The following SPINK8 variants were observed in gnomAD, a reference collection of about 807,000 sequenced individuals.
The protein encoded by SPINK8 is serine protease inhibitor Kazal-type 8.
In SPINK8, 12 loss-of-function variants were observed where a neutral mutation model predicts 14.4. That is an observed-to-expected ratio of 0.83 (90% CI 0.53 to 1.35). The LOEUF is 1.35. Among genes scored for constraint, SPINK8 ranks in the 40% most tolerant of loss-of-function variants. The pLI is 0.00. For missense variants in SPINK8, 103 were observed against 117.0 expected (o/e 0.88, Z 0.55); for synonymous variants, 32 against 37.6 (o/e 0.85, Z 0.55).
intron 5 of SPINK8, 115 bp from the exon 6 acceptor site, chr3:48,319,733 A>G: frequency 2.8e-6 from 4 of 1,432,338 alleles, no homozygotes; most frequent in African/African-American, 1.4e-5. Flanking sequence ...GAGTTCAGAG[A>G]AAAGGATTCA....
At chr3:48,317,410 C>G (rs915659125) in intron 6 of SPINK8, among the ~76,000 whole-genome samples, 1 of 152,100 alleles carries the variant, frequency 6.6e-6, no homozygotes, top group Non-Finnish European at 1.5e-5. Context: ...ATCACTTGAA[C>G]CCAGGAGGCA....
At chr3:48,325,674 C>T (rs568964627) in intron 4 of SPINK8, among the ~76,000 whole-genome samples, 1 of 151,320 alleles carries the variant, frequency 6.6e-6, no homozygotes, top group South Asian at 2.1e-4. Context: ...CTCACTGCAA[C>T]CTCTGCCTCC....
At chr3:48,310,721 A>G (rs1231878827) in intron 6 of SPINK8, among the ~76,000 whole-genome samples, 1 of 151,340 alleles carries the variant, frequency 6.6e-6, no homozygotes, top group Non-Finnish European at 1.5e-5. Flanking sequence ...CTGGTCTTGA[A>G]CTCCTGACCT....
intron 6 of SPINK8, 150 bp from the exon 7 acceptor site, chr3:48,310,096 T>C (rs2035905889): frequency 2.7e-6 from 3 of 1,099,372 alleles, no homozygotes; most frequent in Non-Finnish European, 3.5e-6. Context: ...TTCTACTATA[T>C]GAATTTTTAT....
At chr3:48,319,039 T>A (rs1170118372) in intron 6 of SPINK8, among the ~76,000 whole-genome samples, 1 of 152,204 alleles carries the variant, frequency 6.6e-6, no homozygotes, top group African/African-American at 2.4e-5. Flanking sequence ...ACATACTAAG[T>A]TGAAAGCAAA....
intron 4 of SPINK8, among the ~76,000 whole-genome samples, chr3:48,325,688 G>T (rs1560018936): frequency 1.3e-5 from 2 of 151,512 alleles, no homozygotes; most frequent in African/African-American, 4.9e-5. Flanking sequence ...TGCCTCCCAG[G>T]TTCAAGTGAT....
rs546426674 is a variant in SPINK8 at position 48,326,097 on chromosome 3, A to C, written c.67+2178T>G. Among the ~76,000 whole-genome samples, 6 of 151,984 alleles carry C rather than the reference A, an allele frequency of 3.9e-5. No individual in the cohort carries two copies. The South Asian group carries it at 1.0e-3, about 26-fold the overall frequency. ...CTGGAATTTAGCCTCAGCAACACAA[A>C]GGTATGGGGGGAATGAAAAATGTTG... On this transcript the variant is annotated intron_variant, in intron 4 of 7. Transcript: ENST00000434006.
At chr3:48,330,455 G>A (rs1317655073) in intron 2 of SPINK8, among the ~76,000 whole-genome samples, 2 of 152,174 alleles carry the variant, frequency 1.3e-5, no homozygotes, top group African/African-American at 4.8e-5. Flanking sequence ...AGAGGCAGAG[G>A]TTGCAGTAAG....
At chr3:48,323,986 A>G (rs1385450817) in intron 4 of SPINK8, among the ~76,000 whole-genome samples, 1 of 144,972 alleles carries the variant, frequency 6.9e-6, no homozygotes, top group East Asian at 2.0e-4. Flanking sequence ...TTGCTTTTCC[A>G]TATGAATTTT....
At position 48,312,996 on chromosome 3, in the gene SPINK8, C is replaced by CA. The variant is rs57016387; in HGVS notation, c.240-3051dup. Among the ~76,000 whole-genome samples, 1,084 of 121,918 alleles carry CA rather than the reference C, an allele frequency of 8.9e-3. 16 individuals carry two copies. The highest frequency in any genetic ancestry group is 0.042 in the East Asian group (181 of 4,342). The allele number at this position is 121,918 out of a possible 152,430, so 80.0% of individuals were successfully genotyped here. ...CTGGGAACAGAGTCAGACTCTGTCT[C>CA]AAAAAAAAAAAAAGATCAATGGGCT... On this transcript the variant is annotated intron_variant, in intron 6 of 7. Transcript: ENST00000434006.
chr3:48,325,325 A>G (rs2036123905), intron 4 of SPINK8, among the ~76,000 whole-genome samples: 1 of 150,988 alleles, frequency 6.6e-6, no homozygotes, highest in Non-Finnish European at 1.5e-5. Flanking sequence ...TACACCTGCC[A>G]TTTTACTTTT....
At chr3:48,315,791 A>G (rs13081633) in intron 6 of SPINK8, among the ~76,000 whole-genome samples, 29,861 of 148,872 alleles carry the variant, frequency 0.2, 3,920 homozygotes, top group Non-Finnish European at 0.29. Flanking sequence ...AAAGGCAAGT[A>G]TGAGAATGAT....
intron 4 of SPINK8, among the ~76,000 whole-genome samples, chr3:48,324,163 T>C (rs2107105662): frequency 6.6e-6 from 1 of 152,314 alleles, no homozygotes; most frequent in Middle Eastern, 3.4e-3. Context: ...TTAATTTCTT[T>C]CATCAATGTT....
intron 6 of SPINK8, among the ~76,000 whole-genome samples, chr3:48,312,598 G>A (rs755917580): frequency 5.3e-5 from 8 of 151,594 alleles, no homozygotes; most frequent in Middle Eastern, 3.2e-3. Context: ...AACCAAGATC[G>A]TGCCACTTCA....
intron 4 of SPINK8, among the ~76,000 whole-genome samples, chr3:48,327,796 G>T (rs2036166657): frequency 6.6e-6 from 1 of 152,164 alleles, no homozygotes; most frequent in Admixed American, 6.5e-5. Context: ...CCAATGGAAA[G>T]TAAGAGATTG....
At chr3:48,331,900 A>C (rs2036268636) in intron 2 of SPINK8, among the ~76,000 whole-genome samples, 1 of 152,210 alleles carries the variant, frequency 6.6e-6, no homozygotes, top group African/African-American at 2.4e-5. Flanking sequence ...TCAGTGGTCA[A>C]GCATACCTGG....
chr3:48,323,182 TCA>T (rs2036097101), intron 4 of SPINK8, among the ~76,000 whole-genome samples: 1 of 152,160 alleles, frequency 6.6e-6, no homozygotes. Context: ...TTTCGCTCTG[TCA>T]CACAGGCTGG....
intron 1 of SPINK8, among the ~76,000 whole-genome samples, 122 bp downstream of exon 1, chr3:48,333,413 C>G (rs1030912800): frequency 6.6e-6 from 1 of 152,172 alleles, no homozygotes; most frequent in Non-Finnish European, 1.5e-5. Context: ...GGGATGCCAG[C>G]ACCCCTAGTC....
intron 4 of SPINK8, among the ~76,000 whole-genome samples, chr3:48,326,736 A>G (rs187457036): frequency 1.3e-5 from 2 of 152,110 alleles, no homozygotes; most frequent in African/African-American, 4.8e-5. Context: ...TAGTCAAACC[A>G]TGTCTCTACT....
Sources: allele counts gnomAD v4.1 joint callset (sites outside exome capture counted in the v4.1 genomes callset), GRCh38; gene constraint gnomAD v4.1.1; transcripts MANE v1.5; gene names NCBI Gene and HGNC (gene_info 2026-07-23, HGNC 2026-07-21).